The following COX11 variants were observed in gnomAD, a reference collection of about 807,000 sequenced individuals.
COX11 encodes the protein cytochrome c oxidase assembly protein COX11, mitochondrial.
Under a neutral mutation model 29.4 loss-of-function variants are expected in COX11, and 18 were observed. That is an observed-to-expected ratio of 0.61 (90% CI 0.42 to 0.91). The LOEUF is 0.91. Among genes scored for constraint, COX11 ranks in the 40% least tolerant of loss-of-function variants. The pLI is 0.00. For missense variants in COX11, 312 were observed against 346.0 expected (o/e 0.90, Z 0.78); for synonymous variants, 131 against 124.0 (o/e 1.06, Z -0.38).
chr17:54,967,034 G>GCGCA (rs748057328), intron 1 of COX11, among the ~76,000 whole-genome samples: 1 of 102,426 alleles, frequency 9.8e-6, no homozygotes, highest in Admixed American at 9.1e-5. Flanking sequence ...ATAAACGTGC[G>GCGCA]CGCGCGCGCA....
chr17:54,951,929 A>G (rs762416010), exon 1 of COX11: 9 of 152,220 alleles, frequency 5.9e-5, no homozygotes, highest in Non-Finnish European at 1.2e-4. Flanking sequence ...TTTATTACTT[A>G]GCACAAGTAA....
In COX11 at chr17:54,968,307, C is replaced by T. The variant is rs1322877917; in HGVS notation, c.340G>A (p.Val114Ile). ...TGGCAATAGAGCCGATAAAGGGGTA[C>T]GGCAGCGTAGGACGCCCCCAGCATG... ...VGMLGASYAA[V>I]PLYRLYCQTT... The change falls in exon 1 of 4, where the codon GTA (valine) becomes ATA (isoleucine). Residue 114 changes from valine (V) to isoleucine (I), a missense_variant. Coordinates refer to ENST00000299335, the MANE Select transcript of COX11 (RefSeq NM_004375.5). 2.5e-6 allele frequency: 4 copies of T among 1,612,704 alleles called. No homozygotes were observed. The South Asian group carries it at 3.3e-5, about 13-fold the overall frequency.
intron 1 of COX11, among the ~76,000 whole-genome samples, chr17:54,965,547 C>T (rs1475226754): frequency 6.6e-6 from 1 of 152,084 alleles, no homozygotes; most frequent in East Asian, 1.9e-4. Flanking sequence ...CAGTTATTTC[C>T]TTGACATCAC....
downstream of COX11, among the ~76,000 whole-genome samples, chr17:54,955,443 G>T (rs1448903336): frequency 6.6e-6 from 1 of 152,104 alleles, no homozygotes; most frequent in East Asian, 1.9e-4. Context: ...TGCCCCCTTT[G>T]AAACTTGGGT....
At chr17:54,958,730 C>CAAAAAAAAAA (rs61603848), downstream of COX11, among the ~76,000 whole-genome samples, 1 of 57,504 alleles carries the variant, frequency 1.7e-5, no homozygotes, top group East Asian at 3.2e-4. Flanking sequence ...AACTCCATCT[C>CAAAAAAAAAA]AAAAAAAAAA....
intron 2 of COX11, among the ~76,000 whole-genome samples, chr17:54,964,315 C>T (rs1459753843): frequency 1.3e-5 from 2 of 152,150 alleles, no homozygotes; most frequent in Admixed American, 1.3e-4. Flanking sequence ...CAGTAAACTA[C>T]TCATTGTAAC....
At position 54,961,964 on chromosome 17, in the gene COX11, C is replaced by CT. The variant is rs3214380; in HGVS notation, c.*768dup. 1,594 of 854,628 alleles carry CT rather than the reference C, an allele frequency of 1.9e-3. No individual in the cohort carries two copies. The highest frequency in any genetic ancestry group is 4.4e-3 in the Middle Eastern group (7 of 1,584). 52.9% of individuals were successfully genotyped at this position (854,628 alleles called of 1,614,324 possible). A position where few individuals can be genotyped will look rare whatever the true frequency, so the allele number is the denominator to read the frequency against. On this transcript the variant is annotated 3_prime_UTR_variant, in exon 4 of 4. Coordinates refer to ENST00000299335, the MANE Select transcript of COX11 (RefSeq NM_004375.5). ...AAATCACTATTAAAACAATTTAATA[C>CT]TTTTTTTTTTTAACAAAGGTTTGTT... is the stretch of plus-strand genomic sequence containing the variant.
chr17:54,955,829 A>G (rs1411037482), downstream of COX11, among the ~76,000 whole-genome samples: 1 of 152,190 alleles, frequency 6.6e-6, no homozygotes, highest in African/African-American at 2.4e-5. Flanking sequence ...TGCTGCTTCA[A>G]AGCAGCACCG....
downstream of COX11, among the ~76,000 whole-genome samples, chr17:54,958,830 G>C (rs1330830105): frequency 6.6e-6 from 1 of 151,702 alleles, no homozygotes; most frequent in Non-Finnish European, 1.5e-5. Context: ...TATAAAATGG[G>C]AGACATGGGA....
chr17:54,964,641 A>T, intron 2 of COX11, 56 bp downstream of exon 2: 1 of 1,516,552 alleles, frequency 6.6e-7, no homozygotes, highest in Non-Finnish European at 9.1e-7. Context: ...TTAAGTGATG[A>T]AAGAAAGGAA....
upstream of COX11, chr17:54,968,778 T>G: frequency 1.8e-6 from 2 of 1,083,534 alleles, no homozygotes; most frequent in Non-Finnish European, 2.6e-6. Context: ...TGGCAGCGCT[T>G]GCAGTCGGGC....
chr17:54,965,206 A>AT (rs1179289465), intron 1 of COX11, among the ~76,000 whole-genome samples: 7 of 152,244 alleles, frequency 4.6e-5, no homozygotes, highest in Admixed American at 2.0e-4. Context: ...TATTGCTAGT[A>AT]TTTCATTAAT....
chr17:54,952,504 G>GC (rs1433628293), exon 1 of COX11: 1 of 132,274 alleles, frequency 7.6e-6, no homozygotes, highest in Non-Finnish European at 1.5e-5. Flanking sequence ...CCCAGATCGT[G>GC]CCCCACTGCA....
At position 54,960,782 on chromosome 17, in the gene COX11, C is replaced by T. The variant is rs1291119491; in HGVS notation, c.*1951G>A. On this transcript the variant is annotated 3_prime_UTR_variant, in exon 4 of 4. Coordinates refer to ENST00000299335, the MANE Select transcript of COX11 (RefSeq NM_004375.5). The stretch of plus-strand genomic sequence containing the variant: ...CTGAATCATTCAAATTGTGCTGAAC[C>T]ATTGTTCACTAATGAGAGTCATTCT... Among the ~76,000 whole-genome samples the T allele has an allele frequency of 6.6e-6, 1 of 152,086 alleles. No homozygotes were observed. Among genetic ancestry groups the T allele is most frequent in the East Asian group, 1.9e-4 (1 of 5,188 alleles).
At chr17:54,967,042 GCACACACACACA>G (rs71159276) in intron 1 of COX11, among the ~76,000 whole-genome samples, 5 of 96,122 alleles carry the variant, frequency 5.2e-5, no homozygotes, top group East Asian at 2.5e-4. Context: ...GCGCGCGCGC[GCACACACACACA>G]CACACACACA....
Position 54,961,110 on chromosome 17 carries a change from C to T in COX11, c.*1623G>A. 1.4e-6 allele frequency: 1 copy of T among 727,426 alleles called. No homozygotes were observed. Among genetic ancestry groups the T allele is most frequent in the South Asian group, 1.6e-5 (1 of 62,014 alleles). The allele number at this position is 727,426 out of a possible 1,614,324, so 45.1% of individuals were successfully genotyped here. A position where few individuals can be genotyped will look rare whatever the true frequency, so the allele number is the denominator to read the frequency against. On this transcript the variant is annotated 3_prime_UTR_variant, in exon 4 of 4. Transcript: ENST00000299335. Reference sequence around the variant, plus strand: ...TATACCCTCCCCTATGGAAGAAGCACATTCTTACCTTTCTTCTACTAGACT... The same window carrying T: ...TATACCCTCCCCTATGGAAGAAGCATATTCTTACCTTTCTTCTACTAGACT...
chr17:54,959,787 T>C (rs73321544), downstream of COX11, among the ~76,000 whole-genome samples: 656 of 152,150 alleles, frequency 4.3e-3, 3 homozygotes, highest in African/African-American at 0.015. Context: ...ATGATAATTT[T>C]TATGTTTTTT....
intron 2 of COX11, 31 bp downstream of exon 2, chr17:54,964,661 ATAAAG>A (rs761455801): frequency 2.5e-5 from 40 of 1,580,092 alleles, no homozygotes; most frequent in Non-Finnish European, 3.0e-5. Flanking sequence ...ATTTACATTA[ATAAAG>A]TAATCTTTTA....
Position 54,964,690 on chromosome 17 carries a change from CACTT to C in COX11, c.522+3_522+6del. On this transcript the variant is annotated splice_donor_5th_base_variant and intron_variant, in intron 2 of 3. Coordinates refer to ENST00000299335, the MANE Select transcript of COX11 (RefSeq NM_004375.5). ...AGTAATCTTTTAATGACTGGTTAGT[CACTT>C]ACATATATTTCTGTTTGCTGAGGTC... 34 of 1,612,468 alleles carry C rather than the reference CACTT, an allele frequency of 2.1e-5. No homozygotes were observed. Among genetic ancestry groups the C allele is most frequent in the Non-Finnish European group, 2.8e-5 (33 of 1,178,862 alleles).
Sources: allele counts gnomAD v4.1 joint callset (sites outside exome capture counted in the v4.1 genomes callset), GRCh38; gene constraint gnomAD v4.1.1; transcripts MANE v1.5; gene names NCBI Gene and HGNC (gene_info 2026-07-23, HGNC 2026-07-21).